Variants in KIF26B observed in about 807,000 individuals in gnomAD.
KIF26B encodes kinesin family member 26B.
A neutral mutation model predicts 151.2 loss-of-function variants in KIF26B; 63 were observed. The ratio of observed to expected loss-of-function variants is 0.42; its 90% CI spans 0.34 to 0.51. KIF26B has a LOEUF of 0.51. KIF26B is among the 20% of genes least tolerant of loss of function. The pLI is 0.07. For synonymous variants in KIF26B, 1,357 were observed against 1,262.1 expected (o/e 1.08, Z -1.59); for missense variants, 2,813 against 2,913.6 (o/e 0.97, Z 0.79).
intron 3 of KIF26B, among the ~76,000 whole-genome samples, chr1:245,374,127 ATATATATATATG>A (rs1445546721): frequency 1.2e-4 from 12 of 96,598 alleles, no homozygotes; most frequent in Non-Finnish European, 1.7e-4. Context: ...ATATATATAT[ATATATATATATG>A]GGCACAAAAG....
chr1:245,400,627 G>A (rs1209166538), intron 3 of KIF26B, among the ~76,000 whole-genome samples: 1 of 151,672 alleles, frequency 6.6e-6, no homozygotes, highest in Non-Finnish European at 1.5e-5. Context: ...TGACTGGTCT[G>A]TATAAAATAC....
intron 5 of KIF26B, among the ~76,000 whole-genome samples, chr1:245,565,741 G>C (rs1490095664): frequency 6.6e-6 from 1 of 152,180 alleles, no homozygotes; most frequent in African/African-American, 2.4e-5. Flanking sequence ...ATTTACTTAT[G>C]TGGCCTTACT....
At chr1:245,552,844 C>T (rs1018982826) in intron 5 of KIF26B, among the ~76,000 whole-genome samples, 5 of 152,190 alleles carry the variant, frequency 3.3e-5, no homozygotes, top group Admixed American at 3.3e-4. Context: ...AAGTGATCCA[C>T]CTGCCTTGGC....
chr1:245,294,793 G>A (rs189375100), intron 2 of KIF26B, among the ~76,000 whole-genome samples: 56 of 151,940 alleles, frequency 3.7e-4, no homozygotes, highest in African/African-American at 1.2e-3. Flanking sequence ...TTCCCGAGTA[G>A]CTGGGATTAC....
chr1:245,562,531 C>T (rs774074279), intron 5 of KIF26B, among the ~76,000 whole-genome samples: 2 of 151,974 alleles, frequency 1.3e-5, no homozygotes, highest in Non-Finnish European at 2.9e-5. Flanking sequence ...CACAACCAGT[C>T]AACTTCCCAT....
At chr1:245,276,770 T>C (rs1229155511) in intron 2 of KIF26B, among the ~76,000 whole-genome samples, 1 of 152,188 alleles carries the variant, frequency 6.6e-6, no homozygotes, top group Non-Finnish European at 1.5e-5. Context: ...GTTTCCGTAT[T>C]TCTCACAAAG....
chr1:245,416,157 G>A (rs1674412411), intron 3 of KIF26B, among the ~76,000 whole-genome samples: 1 of 150,614 alleles, frequency 6.6e-6, no homozygotes, highest in South Asian at 2.1e-4. Context: ...GCGCATGCCT[G>A]TAATCCCAGC....
intron 4 of KIF26B, among the ~76,000 whole-genome samples, chr1:245,533,792 C>CAA (rs143809491): frequency 1.3e-4 from 18 of 140,956 alleles, no homozygotes; most frequent in African/African-American, 4.4e-4. Flanking sequence ...TATACAATTA[C>CAA]AAAAAAAAAA....
At chr1:245,544,753 C>CA (rs1263929015) in intron 5 of KIF26B, among the ~76,000 whole-genome samples, 1 of 152,136 alleles carries the variant, frequency 6.6e-6, no homozygotes, top group Non-Finnish European at 1.5e-5. Context: ...TGCCTTTGTC[C>CA]AGTGGGGAAA....
At chr1:245,628,562 ACC>A (rs2043748159) in intron 9 of KIF26B, among the ~76,000 whole-genome samples, 1 of 152,084 alleles carries the variant, frequency 6.6e-6, no homozygotes. Flanking sequence ...AAAATTCAAC[ACC>A]CTTCATGCCT....
At chr1:245,620,961 G>A (rs760363312) in intron 9 of KIF26B, among the ~76,000 whole-genome samples, 13 of 152,102 alleles carry the variant, frequency 8.5e-5, no homozygotes, top group African/African-American at 2.9e-4. Flanking sequence ...TGCTGTGGGC[G>A]TCAGGCAGAA....
intron 4 of KIF26B, among the ~76,000 whole-genome samples, chr1:245,427,428 G>A (rs1658673497): frequency 6.6e-6 from 1 of 152,156 alleles, no homozygotes; most frequent in Non-Finnish European, 1.5e-5. Context: ...GACCAACATG[G>A]AGAAACCCCG....
intron 2 of KIF26B, among the ~76,000 whole-genome samples, chr1:245,324,801 A>C (rs1375876395): frequency 2.0e-5 from 3 of 152,046 alleles, no homozygotes; most frequent in African/African-American, 7.2e-5. Flanking sequence ...CCATGTTCCT[A>C]AAGAAAATGG....
intron 2 of KIF26B, among the ~76,000 whole-genome samples, chr1:245,177,186 C>T (rs1668822973): frequency 6.6e-6 from 1 of 152,150 alleles, no homozygotes; most frequent in Non-Finnish European, 1.5e-5. Context: ...GATGCCTGGC[C>T]TCACGCCTCC....
chr1:245,571,647 G>A (rs2043066841), intron 5 of KIF26B, among the ~76,000 whole-genome samples: 1 of 152,204 alleles, frequency 6.6e-6, no homozygotes, highest in South Asian at 2.1e-4. Flanking sequence ...CTAAGTGGTA[G>A]CTCAGGAGGG....
chr1:245,435,166 T>TCCATCCAC (rs1558164679), intron 4 of KIF26B, among the ~76,000 whole-genome samples: 1 of 146,476 alleles, frequency 6.8e-6, no homozygotes, highest in Non-Finnish European at 1.5e-5. Flanking sequence ...CATCCATCCA[T>TCCATCCAC]CCATCCACCC....
chr1:245,345,950 T>TTTG (rs1672446562), intron 2 of KIF26B, among the ~76,000 whole-genome samples: 2 of 150,126 alleles, frequency 1.3e-5, no homozygotes, highest in African/African-American at 2.5e-5. Context: ...TTTTTTTTTT[T>TTTG]GAGACAGAGT....
At chr1:245,212,558 G>C (rs901315405) in intron 2 of KIF26B, among the ~76,000 whole-genome samples, 1 of 152,192 alleles carries the variant, frequency 6.6e-6, no homozygotes, top group Non-Finnish European at 1.5e-5. Context: ...CCAATCCTAC[G>C]GGTGAATGAG....
At chr1:245,477,845 A>G (rs6687098) in intron 4 of KIF26B, among the ~76,000 whole-genome samples, 11,403 of 151,838 alleles carry the variant, frequency 0.075, 602 homozygotes, top group Middle Eastern at 0.16. Context: ...TGGCCTTTTT[A>G]ACAATTTAAA....
Sources: allele counts gnomAD v4.1 joint callset (sites outside exome capture counted in the v4.1 genomes callset), GRCh38; gene constraint gnomAD v4.1.1; transcripts MANE v1.5; gene names NCBI Gene and HGNC (gene_info 2026-07-23, HGNC 2026-07-21).